The following SKAP2 variants were observed in gnomAD, a reference collection of about 807,000 sequenced individuals.
The protein encoded by SKAP2 is src kinase associated phosphoprotein 2, also known as src kinase-associated phosphoprotein 2.
Under a neutral mutation model 54.9 loss-of-function variants are expected in SKAP2, and 28 were observed. That is an observed-to-expected ratio of 0.51 (90% CI 0.38 to 0.70). SKAP2 has a LOEUF of 0.70. Ranked by LOEUF, SKAP2 falls within the 30% of genes least tolerant of loss-of-function variation. The probability of loss-of-function intolerance (pLI) is 0.00; values close to 1 mark genes in which losing one functional copy is unlikely to be tolerated. For missense variants in SKAP2, 356 were observed against 424.1 expected (o/e 0.84, Z 1.41); for synonymous variants, 137 against 134.3 (o/e 1.02, Z -0.14).
At chr7:26,818,150 A>G (rs2127989629) in intron 4 of SKAP2, among the ~76,000 whole-genome samples, 1 of 152,314 alleles carries the variant, frequency 6.6e-6, no homozygotes, top group South Asian at 2.1e-4. Flanking sequence ...AGCAAAAAGA[A>G]CAAACCTGGA....
chr7:26,660,930 C>A, the SKAP2 span, among the ~76,000 whole-genome samples: 1 of 152,014 alleles, frequency 6.6e-6, no homozygotes, highest in South Asian at 2.1e-4. Context: ...TTATGTACTA[C>A]ATCACGCTAT....
chr7:26,761,562 G>T (rs1212211037), intron 4 of SKAP2, among the ~76,000 whole-genome samples: 2 of 152,180 alleles, frequency 1.3e-5, no homozygotes, highest in African/African-American at 2.4e-5. Flanking sequence ...TTTACTGAAG[G>T]AAGCTGAGGC....
At chr7:26,759,630 C>A (rs1782880047) in intron 4 of SKAP2, among the ~76,000 whole-genome samples, 1 of 152,086 alleles carries the variant, frequency 6.6e-6, no homozygotes, top group Non-Finnish European at 1.5e-5. Context: ...ATTCAGAAAC[C>A]CAAAGTTTAC....
chr7:26,701,143 GA>G (rs1275882606), intron 9 of SKAP2, among the ~76,000 whole-genome samples: 2 of 152,152 alleles, frequency 1.3e-5, no homozygotes, highest in Admixed American at 1.3e-4. Context: ...AACAAGCCTG[GA>G]ACAAAGAAGG....
chr7:26,756,763 C>A (rs1163523171), intron 4 of SKAP2, among the ~76,000 whole-genome samples: 1 of 152,196 alleles, frequency 6.6e-6, no homozygotes, highest in Non-Finnish European at 1.5e-5. Context: ...ACACTGTCTT[C>A]CACAATGGTT....
intron 4 of SKAP2, among the ~76,000 whole-genome samples, chr7:26,841,943 T>C (rs188057595): frequency 1.2e-3 from 189 of 152,044 alleles, no homozygotes; most frequent in Non-Finnish European, 2.1e-4. Context: ...CATTATCTTT[T>C]TTATAATTAA....
intron 4 of SKAP2, among the ~76,000 whole-genome samples, chr7:26,762,879 T>C (rs1161112191): frequency 6.6e-6 from 1 of 152,206 alleles, no homozygotes; most frequent in Admixed American, 6.5e-5. Context: ...TGCAACCCAA[T>C]TTGCCAATGT....
chr7:26,845,941 A>T (rs535109524), intron 3 of SKAP2, among the ~76,000 whole-genome samples: 5 of 152,136 alleles, frequency 3.3e-5, no homozygotes, highest in Middle Eastern at 3.4e-3. Context: ...CTAAAAAAAA[A>T]TTTTTTTAAC....
intron 4 of SKAP2, among the ~76,000 whole-genome samples, chr7:26,781,865 T>C (rs1244029680): frequency 6.6e-6 from 1 of 152,178 alleles, no homozygotes; most frequent in African/African-American, 2.4e-5. Flanking sequence ...TCCTCCACAC[T>C]GTTCCTCACA....
intron 4 of SKAP2, among the ~76,000 whole-genome samples, chr7:26,749,803 C>A (rs1162447108): frequency 6.6e-6 from 1 of 151,062 alleles, no homozygotes; most frequent in African/African-American, 2.4e-5. Context: ...CTTCTTTCTT[C>A]CTTACCTATG....
chr7:26,719,964 G>T (rs1327992807), intron 9 of SKAP2, among the ~76,000 whole-genome samples: 2 of 151,766 alleles, frequency 1.3e-5, no homozygotes, highest in Admixed American at 6.6e-5. Flanking sequence ...TTGACGTTTG[G>T]GCCAGACAAT....
intron 4 of SKAP2, among the ~76,000 whole-genome samples, chr7:26,819,348 A>G (rs142853531): frequency 1.8e-3 from 280 of 152,286 alleles, no homozygotes; most frequent in African/African-American, 6.4e-3. Flanking sequence ...GTTCTCACTC[A>G]TAAGTAGGAG....
At chr7:26,673,145 C>A (rs1786277897) in intron 11 of SKAP2, among the ~76,000 whole-genome samples, 1 of 151,942 alleles carries the variant, frequency 6.6e-6, no homozygotes, top group Non-Finnish European at 1.5e-5. Context: ...ATAGACAATC[C>A]ATACCAGGCT....
Position 26,726,981 on chromosome 7 carries a change from T to C in SKAP2, c.495A>G (p.Ala165=). ...DKDKQQKGEF[A]IDGYSVRMNN... is the part of the protein sequence containing the mutation. The stretch of plus-strand genomic sequence containing the variant: ...TCATTCTGACACTGTAGCCATCTAT[T>C]GCAAATTCACCTTTCTGTTGTTTGT... The change falls in exon 7 of 13, where the codon GCA becomes GCG. Residue 165 remains alanine (A), a synonymous_variant. Transcript: ENST00000345317. The C allele has an allele frequency of 6.2e-7, 1 of 1,604,184 alleles. No individual in the cohort carries two copies. Among genetic ancestry groups the C allele is most frequent in the Non-Finnish European group, 8.5e-7 (1 of 1,175,934 alleles).
Position 26,744,696 on chromosome 7 carries a change from T to C in SKAP2, c.308-4732A>G, listed in dbSNP as rs182943121. Among the ~76,000 whole-genome samples the C allele has an allele frequency of 3.1e-3, 472 of 152,056 alleles. 4 individuals carry two copies. The highest frequency in any genetic ancestry group is 0.011 in the African/African-American group (442 of 41,482). ...TATATTCCAGGGTCTTCCCTAACAT[T>C]GATGTGTCTCCTAATAGACTCCTCC... On this transcript the variant is annotated intron_variant, in intron 4 of 12. Coordinates refer to ENST00000345317, the MANE Select transcript of SKAP2 (RefSeq NM_003930.5).
intron 4 of SKAP2, among the ~76,000 whole-genome samples, chr7:26,752,488 G>C (rs748851271): frequency 3.3e-5 from 5 of 152,064 alleles, no homozygotes. Flanking sequence ...ACTCCCAAAA[G>C]CTTTGTTAAA....
At chr7:26,785,670 A>G (rs1783529779) in intron 4 of SKAP2, among the ~76,000 whole-genome samples, 1 of 152,184 alleles carries the variant, frequency 6.6e-6, no homozygotes, top group Non-Finnish European at 1.5e-5. Context: ...CACCATTATA[A>G]TAATAAGGAA....
At chr7:26,817,078 A>G (rs1278773812) in intron 4 of SKAP2, among the ~76,000 whole-genome samples, 1 of 152,152 alleles carries the variant, frequency 6.6e-6, no homozygotes, top group African/African-American at 2.4e-5. Flanking sequence ...TAAAACATTT[A>G]TAACATTTTA....
chr7:26,830,458 C>A (rs543318188), intron 4 of SKAP2, among the ~76,000 whole-genome samples: 2 of 152,192 alleles, frequency 1.3e-5, no homozygotes, highest in African/African-American at 4.8e-5. Context: ...ATCCTAGACC[C>A]TACCCCTAAA....
Sources: gnomAD v4.1 joint callset for allele counts (sites outside exome capture counted in the v4.1 genomes callset) on GRCh38, gnomAD v4.1.1 for gene constraint, MANE v1.5 for transcripts, NCBI Gene and HGNC (gene_info 2026-07-23, HGNC 2026-07-21) for gene names.